NCK1: variants seen among roughly 807,000 people sequenced by gnomAD.
NCK1 encodes SH2/SH3 adapter protein NCK1.
Under a neutral mutation model 36.6 loss-of-function variants are expected in NCK1, and 19 were observed. The observed-to-expected ratio is 0.52, with a 90% CI of 0.36 to 0.76. The LOEUF (loss-of-function observed/expected upper bound fraction) is 0.76. NCK1 is among the 30% of genes least tolerant of loss of function. The probability of loss-of-function intolerance (pLI) is 0.00; values close to 1 mark genes in which losing one functional copy is unlikely to be tolerated. For missense variants in NCK1, 358 were observed against 445.6 expected (o/e 0.80, Z 1.77); for synonymous variants, 165 against 156.0 (o/e 1.06, Z -0.43).
chr3:136,929,360 T>C (rs1043052722), intron 2 of NCK1, among the ~76,000 whole-genome samples: 5 of 152,142 alleles, frequency 3.3e-5, no homozygotes, highest in Admixed American at 3.3e-4. Context: ...CAATTTGGAG[T>C]AAGATATAAA....
At chr3:136,887,270 C>T (rs182954652) in intron 1 of NCK1, among the ~76,000 whole-genome samples, 121 of 152,306 alleles carry the variant, frequency 7.9e-4, no homozygotes, top group Non-Finnish European at 1.6e-3. Context: ...TGGCCTCAAA[C>T]GATCTTCCCA....
chr3:136,883,497 A>C (rs1938999230), intron 1 of NCK1, among the ~76,000 whole-genome samples: 1 of 152,134 alleles, frequency 6.6e-6, no homozygotes, highest in Non-Finnish European at 1.5e-5. Context: ...AGTAGCACTC[A>C]TATTCTCTGT....
At chr3:136,935,850 A>G (rs1424072334) in intron 2 of NCK1, among the ~76,000 whole-genome samples, 1 of 152,120 alleles carries the variant, frequency 6.6e-6, no homozygotes. Context: ...GTCACTCTCA[A>G]TCAGTCCCTG....
intron 1 of NCK1, among the ~76,000 whole-genome samples, chr3:136,915,952 C>T (rs1432694112): frequency 6.6e-6 from 1 of 152,128 alleles, no homozygotes; most frequent in Admixed American, 6.5e-5. Flanking sequence ...TCTCGAACTC[C>T]TGAGCCCGGG....
intron 2 of NCK1, chr3:136,928,540 T>G (rs1354674975): frequency 3.6e-6 from 1 of 276,452 alleles, no homozygotes; most frequent in Non-Finnish European, 6.8e-6. Context: ...TAGGCAGAAT[T>G]GCCTCTTTGG....
intron 1 of NCK1, among the ~76,000 whole-genome samples, chr3:136,883,583 A>G: frequency 6.6e-6 from 1 of 152,168 alleles, no homozygotes; most frequent in Non-Finnish European, 1.5e-5. Flanking sequence ...GAAAAAATTT[A>G]ATTTCCTCTG....
chr3:136,883,319 C>T (rs9859665), intron 1 of NCK1, among the ~76,000 whole-genome samples: 103,713 of 152,014 alleles, frequency 0.68, 35,668 homozygotes, highest in East Asian at 0.87. Flanking sequence ...TCTAGCCATA[C>T]GGTCATTTTC....
At chr3:136,884,919 C>G (rs184681558) in intron 1 of NCK1, among the ~76,000 whole-genome samples, 1 of 151,228 alleles carries the variant, frequency 6.6e-6, no homozygotes, top group African/African-American at 2.4e-5. Flanking sequence ...TGGTTTTTCA[C>G]CACGTTGGTC....
At chr3:136,917,248 G>C (rs138409262) in intron 1 of NCK1, among the ~76,000 whole-genome samples, 2 of 46,930 alleles carry the variant, frequency 4.3e-5, no homozygotes, top group African/African-American at 1.6e-4. Context: ...TTTTTTTTTT[G>C]CTTAATCAGC....
At chr3:136,905,635 TC>T (rs1463833756) in intron 1 of NCK1, among the ~76,000 whole-genome samples, 5 of 151,998 alleles carry the variant, frequency 3.3e-5, no homozygotes, top group Admixed American at 2.6e-4. Context: ...TTTCTTTTTT[TC>T]CCCCCTGAGA....
chr3:136,878,569 G>A (rs1440950610), intron 1 of NCK1, among the ~76,000 whole-genome samples: 1 of 152,082 alleles, frequency 6.6e-6, no homozygotes, highest in East Asian at 1.9e-4. Context: ...CTAGGGTATG[G>A]AGTTTCTTTT....
At chr3:136,868,283 G>C (rs1185159730) in intron 1 of NCK1, among the ~76,000 whole-genome samples, 2 of 152,012 alleles carry the variant, frequency 1.3e-5, no homozygotes, top group African/African-American at 4.8e-5. Context: ...ATACTTGTTA[G>C]GTGTATTAAC....
intron 1 of NCK1, chr3:136,867,425 T>TTTG (rs1938483744): frequency 6.8e-6 from 1 of 146,266 alleles, no homozygotes; most frequent in Non-Finnish European, 1.5e-5. Flanking sequence ...TTTTTTTTTT[T>TTTG]TGTAGAGATA....
intron 1 of NCK1, among the ~76,000 whole-genome samples, chr3:136,917,299 C>T (rs1939993901): frequency 7.0e-6 from 1 of 142,778 alleles, no homozygotes. Flanking sequence ...GACAATTCTT[C>T]TTCCAGTATG....
At chr3:136,908,565 T>C (rs1410150571) in intron 1 of NCK1, among the ~76,000 whole-genome samples, 3 of 152,160 alleles carry the variant, frequency 2.0e-5, no homozygotes, top group Non-Finnish European at 4.4e-5. Flanking sequence ...GGAGACCAAA[T>C]CTGTGGATAC....
intron 1 of NCK1, among the ~76,000 whole-genome samples, chr3:136,862,756 G>A (rs1938272709): frequency 6.6e-6 from 1 of 152,254 alleles, no homozygotes; most frequent in African/African-American, 2.4e-5. Context: ...GGGAAGGTAG[G>A]GACGTGGTAG....
intron 1 of NCK1, among the ~76,000 whole-genome samples, chr3:136,904,711 A>C (rs2108104318): frequency 6.6e-6 from 1 of 152,130 alleles, no homozygotes; most frequent in East Asian, 1.9e-4. Context: ...GACTTGGAAA[A>C]TTTTTACCTA....
intron 1 of NCK1, among the ~76,000 whole-genome samples, chr3:136,926,184 T>A (rs1940231168): frequency 6.6e-6 from 1 of 150,458 alleles, no homozygotes; most frequent in African/African-American, 2.4e-5. Context: ...TTCTAATGTT[T>A]CTTTAACTTT....
intron 1 of NCK1, among the ~76,000 whole-genome samples, chr3:136,878,467 G>A (rs921312626): frequency 4.6e-5 from 7 of 152,128 alleles, no homozygotes; most frequent in African/African-American, 1.7e-4. Flanking sequence ...GATTCCATTT[G>A]TATGAAGTAT....
Sources: allele counts gnomAD v4.1 joint callset (sites outside exome capture counted in the v4.1 genomes callset), GRCh38; gene constraint gnomAD v4.1.1; transcripts MANE v1.5; gene names NCBI Gene and HGNC (gene_info 2026-07-23, HGNC 2026-07-21).